Variants in FOXO1 observed in about 807,000 individuals in gnomAD.
FOXO1 encodes the protein forkhead box protein O1.
Under a neutral mutation model 44.1 loss-of-function variants are expected in FOXO1, and 6 were observed. That is an observed-to-expected ratio of 0.14 (90% confidence interval 0.07 to 0.27). FOXO1 has a LOEUF of 0.27. Among genes scored for constraint, FOXO1 ranks in the 10% least tolerant of loss-of-function variants. FOXO1 has a pLI of 1.00. For missense variants in FOXO1, 737 were observed against 888.8 expected (o/e 0.83, Z 2.17); for synonymous variants, 380 against 362.7 (o/e 1.05, Z -0.54).
intron 1 of FOXO1, among the ~76,000 whole-genome samples, chr13:40,622,920 G>A (rs1262122703): frequency 6.6e-6 from 1 of 152,124 alleles, no homozygotes; most frequent in African/African-American, 2.4e-5. Context: ...GATTCCTTAA[G>A]GTATTATCTG....
rs1467954665 is a variant in FOXO1 at position 40,666,522 on chromosome 13, G to T, written c.-310C>A. On this transcript the variant is annotated 5_prime_UTR_variant, in exon 1 of 3. Transcript: ENST00000379561. ...CTGACAGGGCCGCGGACGGAAGGAC[G>T]GACGGACGCCGCGGGCCGCTTGCTC... 9.9e-5 allele frequency: 29 copies of T among 292,454 alleles called. No homozygotes were observed. Among genetic ancestry groups the T allele is most frequent in the Middle Eastern group, 8.7e-4 (1 of 1,148 alleles). The allele number at this position is 292,454 out of a possible 1,614,324, so 18.1% of individuals were successfully genotyped here. A position where few individuals can be genotyped will look rare whatever the true frequency, so the allele number is the denominator to read the frequency against.
chr13:40,573,321 T>C (rs1180745810), intron 1 of FOXO1, among the ~76,000 whole-genome samples: 1 of 152,086 alleles, frequency 6.6e-6, no homozygotes, highest in Non-Finnish European at 1.5e-5. Flanking sequence ...CAGTCTCAGG[T>C]CAAAGCAAGC....
chr13:40,631,748 C>CA (rs1194919690), intron 1 of FOXO1, among the ~76,000 whole-genome samples: 1 of 152,082 alleles, frequency 6.6e-6, no homozygotes, highest in East Asian at 1.9e-4. Flanking sequence ...TGGTGGCTGT[C>CA]AAAAGCCTGA....
Position 40,558,789 on chromosome 13 carries a change from A to G in FOXO1, c.*260T>C. On this transcript the variant is annotated 3_prime_UTR_variant, in exon 3 of 3. Coordinates refer to ENST00000379561, the MANE Select transcript of FOXO1 (RefSeq NM_002015.4). ...TATGGTGTAGTGAGTTTGGCACTTC[A>G]TTGTAATGAAATTTCCAATGGCACA... 2 of 399,004 alleles carry G rather than the reference A, an allele frequency of 5.0e-6. No homozygotes were observed. Among genetic ancestry groups the G allele is most frequent in the Non-Finnish European group, 8.8e-6 (2 of 226,018 alleles). 24.7% of individuals were successfully genotyped at this position (399,004 alleles called of 1,614,324 possible). A position where few individuals can be genotyped will look rare whatever the true frequency, so the allele number is the denominator to read the frequency against.
intron 1 of FOXO1, among the ~76,000 whole-genome samples, chr13:40,653,774 G>A (rs1877762132): frequency 6.6e-6 from 1 of 152,072 alleles, no homozygotes; most frequent in African/African-American, 2.4e-5. Flanking sequence ...CCCCTCACCA[G>A]TAAGTACTTT....
chr13:40,612,721 CATCT>C (rs1876277501), intron 1 of FOXO1, among the ~76,000 whole-genome samples: 1 of 152,196 alleles, frequency 6.6e-6, no homozygotes, highest in African/African-American at 2.4e-5. Flanking sequence ...AAACCACATT[CATCT>C]ATCTTTTATT....
At position 40,558,868 on chromosome 13, in the gene FOXO1, A is replaced by C; in HGVS notation, c.*181T>G. On this transcript the variant is annotated 3_prime_UTR_variant, in exon 3 of 3. Coordinates refer to ENST00000379561, the MANE Select transcript of FOXO1 (RefSeq NM_002015.4). ...CACACATTGGGCAAACATCCTGTAC[A>C]GGAAAAATGTCTTTGCTGCCAAGTC... is the stretch of plus-strand genomic sequence containing the variant. The C allele has an allele frequency of 2.5e-6, 1 of 398,874 alleles. No individual in the cohort carries two copies. The allele number at this position is 398,874 out of a possible 1,614,324, so 24.7% of individuals were successfully genotyped here.
At chr13:40,584,393 G>T (rs1875069140) in intron 1 of FOXO1, among the ~76,000 whole-genome samples, 1 of 143,158 alleles carries the variant, frequency 7.0e-6, no homozygotes, top group Non-Finnish European at 1.5e-5. Flanking sequence ...GGAGGTCAAG[G>T]TAGGCATATG....
rs758562942 is a variant in FOXO1, at chr13:40,560,208, T to G, written c.1283A>C (p.Gln428Pro). Residue 428 changes from glutamine (Q) to proline (P), a missense_variant, in exon 2 of 3, where the codon CAA (glutamine) becomes CCA (proline). Around this residue, in one of 7 missense-constraint regions of FOXO1, gnomAD observed 283 missense variants for 278.1 expected, o/e 1.02. Coordinates refer to ENST00000379561, the MANE Select transcript of FOXO1 (RefSeq NM_002015.4). The surrounding 1 kb of genome is among the most constrained non-coding windows in gnomAD (Gnocchi z 5.1). ...CTGGGGCAAAGGGCTCATGCTGGAT[T>G]GGCCATATGTATATTTTTGGTAGTT... ...SPNYQKYTYG[Q>P]SSMSPLPQMP... The G allele has an allele frequency of 2.6e-5, 42 of 1,614,178 alleles. No homozygotes were observed. Among genetic ancestry groups the G allele is most frequent in the Admixed American group, 3.3e-5 (2 of 60,014 alleles).
At chr13:40,624,168 T>TG (rs2137906130) in intron 1 of FOXO1, among the ~76,000 whole-genome samples, 1 of 151,866 alleles carries the variant, frequency 6.6e-6, no homozygotes, top group East Asian at 1.9e-4. Flanking sequence ...GACGACCCTC[T>TG]GCAGAAGAAG....
At position 40,559,719 on chromosome 13, in the gene FOXO1, C is replaced by T. The variant is rs1273268681; in HGVS notation, c.1772G>A (p.Gly591Asp). The part of the protein sequence containing the change: ...VSSCNGYGRM[G>D]LLHQEKLPSD... ...TGGGAGCTTCTCCTGGTGGAGAAGG[C>T]CCATTCTGCCATAGCCATTGCAGCT... Residue 591 changes from glycine to aspartate, a missense_variant, in exon 2 of 3, where the codon GGC (glycine) becomes GAC (aspartate). Transcript: ENST00000379561. The T allele has an allele frequency of 6.2e-6, 10 of 1,613,770 alleles. No individual in the cohort carries two copies. The highest frequency in any genetic ancestry group is 8.5e-6 in the Non-Finnish European group (10 of 1,179,858).
intron 1 of FOXO1, among the ~76,000 whole-genome samples, chr13:40,625,630 CTTTAT>C (rs1313227294): frequency 1.3e-5 from 2 of 150,370 alleles, no homozygotes; most frequent in Non-Finnish European, 2.9e-5. Flanking sequence ...TTCTTTATTC[CTTTAT>C]TTTAATAAAC....
At chr13:40,650,837 C>T (rs956866225) in intron 1 of FOXO1, among the ~76,000 whole-genome samples, 1 of 152,180 alleles carries the variant, frequency 6.6e-6, no homozygotes, top group Non-Finnish European at 1.5e-5. Context: ...TCACTGCAAC[C>T]TCTGCCTCCT....
intron 1 of FOXO1, among the ~76,000 whole-genome samples, chr13:40,616,188 T>C (rs1259183780): frequency 6.6e-6 from 1 of 152,242 alleles, no homozygotes; most frequent in Non-Finnish European, 1.5e-5. Flanking sequence ...GAGCTTTAGT[T>C]ACTTGGAATA....
At position 40,555,705 on chromosome 13, in the gene FOXO1, C is replaced by T. The variant is rs1476286807; in HGVS notation, c.*3344G>A. The T allele has an allele frequency of 2.6e-5, 4 of 152,600 alleles. No homozygotes were observed. The highest frequency in any genetic ancestry group is 9.7e-5 in the African/African-American group (4 of 41,438). 9.5% of individuals were successfully genotyped at this position (152,600 alleles called of 1,614,324 possible). ...TTAACTCAAGTATTTAATAGCTTCA[C>T]AAAAAATTCCTAATAAAGAGCTTAT... On this transcript the variant is annotated 3_prime_UTR_variant, in exon 3 of 3. Transcript: ENST00000379561.
At chr13:40,662,886 CTT>C (rs1285722741) in intron 1 of FOXO1, among the ~76,000 whole-genome samples, 3 of 152,206 alleles carry the variant, frequency 2.0e-5, no homozygotes, top group African/African-American at 7.2e-5. Flanking sequence ...TTTTATGACT[CTT>C]AGAACAGGAG....
intron 1 of FOXO1, chr13:40,620,200 C>T (rs530536100): frequency 3.9e-4 from 606 of 1,567,474 alleles, no homozygotes; most frequent in Admixed American, 7.9e-4. Flanking sequence ...AACTGCTGTA[C>T]TACGACATCC....
At chr13:40,613,656 T>C (rs1876313954) in intron 1 of FOXO1, among the ~76,000 whole-genome samples, 1 of 152,152 alleles carries the variant, frequency 6.6e-6, no homozygotes, top group Non-Finnish European at 1.5e-5. Flanking sequence ...TCACTTGGTT[T>C]AGTGGATGAT....
chr13:40,599,346 A>C (rs1254881276), intron 1 of FOXO1, among the ~76,000 whole-genome samples: 2 of 152,192 alleles, frequency 1.3e-5, no homozygotes. Context: ...CCCACATGCC[A>C]GGCCTTGCCC....
Sources: gnomAD v4.1 joint callset for allele counts (sites outside exome capture counted in the v4.1 genomes callset) on GRCh38, gnomAD v4.1.1 for gene constraint, gnomAD v4.1.1 regional missense constraint, Gnocchi (gnomAD v3.1) non-coding constraint, MANE v1.5 for transcripts, NCBI Gene and HGNC (gene_info 2026-07-23, HGNC 2026-07-21) for gene names.